DAB1: variants seen among roughly 807,000 people sequenced by gnomAD.
DAB1 encodes the protein disabled homolog 1.
DAB1 carries 15 observed loss-of-function variants against 64.6 expected under a neutral mutation model. That is an observed-to-expected ratio of 0.23 (90% CI 0.16 to 0.36). The LOEUF (loss-of-function observed/expected upper bound fraction) is 0.36, where lower values mean the gene tolerates loss of function less well. Ranked by LOEUF, DAB1 falls within the 10% of genes least tolerant of loss-of-function variation. The pLI, the probability that DAB1 is intolerant of heterozygous loss-of-function variation, is 1.00. For missense variants in DAB1, 596 were observed against 706.7 expected (o/e 0.84, Z 1.78); for synonymous variants, 235 against 251.9 (o/e 0.93, Z 0.64).
chr1:58,216,350 G>C (rs1044356818), intron 4 of DAB1, among the ~76,000 whole-genome samples: 1 of 152,168 alleles, frequency 6.6e-6, no homozygotes, highest in Non-Finnish European at 1.5e-5. Flanking sequence ...CCTTGCAAAG[G>C]ACTTGAACTC....
At chr1:58,211,771 C>T (rs1453755346) in intron 4 of DAB1, among the ~76,000 whole-genome samples, 1 of 152,170 alleles carries the variant, frequency 6.6e-6, no homozygotes, top group Non-Finnish European at 1.5e-5. Context: ...GATGAAATCA[C>T]TTTCCTGTGG....
In DAB1 at chr1:57,779,794, T is replaced by G. The variant is rs115876947; in HGVS notation, n.551+104205A>C. ...AAATCCTTAGTGAGCTGAAAACTGATGCTAAGTCTGAAAACTTTCTACCCA... is the reference window on the plus strand; with the variant it reads ...AAATCCTTAGTGAGCTGAAAACTGAGGCTAAGTCTGAAAACTTTCTACCCA... On this transcript the variant is annotated intron_variant and non_coding_transcript_variant, in intron 6 of 20. Coordinates refer to the DAB1 transcript ENST00000485760. Among the ~76,000 whole-genome samples, 630 of 152,236 alleles carry G rather than the reference T, an allele frequency of 4.1e-3. 6 individuals carry two copies. Among genetic ancestry groups the G allele is most frequent in the African/African-American group, 0.015 (609 of 41,558 alleles).
At chr1:57,596,457 T>C (rs188838664) in intron 7 of DAB1, among the ~76,000 whole-genome samples, 32 of 152,270 alleles carry the variant, frequency 2.1e-4, no homozygotes, top group African/African-American at 7.2e-4. Context: ...TTATTATGTG[T>C]TTAATGGCTG....
chr1:57,739,968 G>T (rs904960197), intron 6 of DAB1, among the ~76,000 whole-genome samples: 4 of 150,384 alleles, frequency 2.7e-5, no homozygotes, highest in African/African-American at 9.8e-5. Flanking sequence ...GCCAAGGCAG[G>T]TGGATCACTT....
intron 9 of DAB1, among the ~76,000 whole-genome samples, chr1:57,029,973 A>T (rs1437330038): frequency 6.6e-6 from 1 of 152,152 alleles, no homozygotes; most frequent in Non-Finnish European, 1.5e-5. Flanking sequence ...TGGTTTTGAA[A>T]TGTGAGGACA....
rs61767411 is a variant in DAB1 at position 57,306,004 on chromosome 1, A to C, written c.-136-14838T>G. Among the ~76,000 whole-genome samples, 1,132 of 152,018 alleles carry C rather than the reference A, an allele frequency of 7.4e-3. 27 individuals carry two copies. The East Asian group carries it at 0.079, about 11-fold the overall frequency. On this transcript the variant is annotated intron_variant, in intron 1 of 14. Coordinates refer to ENST00000371236, the MANE Select transcript of DAB1 (RefSeq NM_001365792.1). Reference sequence around the variant, plus strand: ...AAAAAAAGAAAAAAGAAAAGAAAACAATGACTTTCATGAGAACCTACTAGG... The same window carrying C: ...AAAAAAAGAAAAAAGAAAAGAAAACCATGACTTTCATGAGAACCTACTAGG...
intron 7 of DAB1, among the ~76,000 whole-genome samples, chr1:57,619,116 A>G (rs952600706): frequency 6.6e-6 from 1 of 152,218 alleles, no homozygotes; most frequent in African/African-American, 2.4e-5. Flanking sequence ...CAATGGATTT[A>G]TTTAAACTGC....
intron 7 of DAB1, among the ~76,000 whole-genome samples, chr1:57,574,648 T>C (rs1645229760): frequency 6.6e-6 from 1 of 152,252 alleles, no homozygotes; most frequent in South Asian, 2.1e-4. Context: ...TCAAGGTAGC[T>C]ATAGATTAGG....
chr1:57,064,763 A>T (rs1650738225), intron 8 of DAB1, among the ~76,000 whole-genome samples: 1 of 152,208 alleles, frequency 6.6e-6, no homozygotes, highest in Non-Finnish European at 1.5e-5. Flanking sequence ...TGCAGAAAAC[A>T]GGACTGAGTG....
chr1:57,923,098 C>G (rs1644833505), intron 5 of DAB1, among the ~76,000 whole-genome samples: 1 of 151,502 alleles, frequency 6.6e-6, no homozygotes, highest in African/African-American at 2.4e-5. Context: ...CTAGAATAAC[C>G]CCATGTCAAG....
chr1:57,456,873 AC>A (rs1254096833), intron 7 of DAB1, among the ~76,000 whole-genome samples: 1 of 152,050 alleles, frequency 6.6e-6, no homozygotes, highest in Admixed American at 6.6e-5. Flanking sequence ...CCTAAACTGG[AC>A]CCATTTTTGA....
chr1:57,351,630 T>C (rs965751364), intron 1 of DAB1, among the ~76,000 whole-genome samples: 6 of 151,918 alleles, frequency 3.9e-5, no homozygotes, highest in Admixed American at 6.6e-5. Context: ...GTAATACACA[T>C]AGGGTTGTGT....
intron 2 of DAB1, among the ~76,000 whole-genome samples, chr1:57,209,442 C>T (rs953875893): frequency 6.6e-5 from 10 of 152,154 alleles, no homozygotes; most frequent in Admixed American, 6.5e-5. Flanking sequence ...TAAAAGCTTC[C>T]AGTGAACACT....
chr1:57,728,625 C>T (rs944626785), intron 6 of DAB1, among the ~76,000 whole-genome samples: 1 of 151,980 alleles, frequency 6.6e-6, no homozygotes, highest in Non-Finnish European at 1.5e-5. Context: ...AAAACCACCC[C>T]CTGAGATGTG....
intron 5 of DAB1, among the ~76,000 whole-genome samples, chr1:58,106,128 T>C (rs571100306): frequency 6.6e-6 from 1 of 151,904 alleles, no homozygotes; most frequent in Non-Finnish European, 1.5e-5. Context: ...CTTCCTTCTT[T>C]TCTTTCTCTT....
chr1:57,797,867 T>TA (rs11430324), intron 6 of DAB1, among the ~76,000 whole-genome samples: 123,858 of 152,138 alleles, frequency 0.81, 50,614 homozygotes, highest in African/African-American at 0.87. Flanking sequence ...TAGAAAACTG[T>TA]ACAAGCTATA....
intron 6 of DAB1, among the ~76,000 whole-genome samples, chr1:57,713,674 CAAAGG>C (rs892108209): frequency 1.3e-5 from 2 of 152,080 alleles, no homozygotes; most frequent in African/African-American, 2.4e-5. Context: ...TTGGCAATGG[CAAAGG>C]AAAGTAAAAT....
At chr1:58,452,866 A>C (rs922663985) in intron 3 of DAB1, among the ~76,000 whole-genome samples, 2 of 151,798 alleles carry the variant, frequency 1.3e-5, no homozygotes, top group African/African-American at 4.8e-5. Context: ...AAAAAAAAAC[A>C]AAGCTAAACC....
chr1:57,176,771 G>A (rs923351970), intron 2 of DAB1, among the ~76,000 whole-genome samples: 17 of 151,958 alleles, frequency 1.1e-4, no homozygotes, highest in Admixed American at 4.6e-4. Flanking sequence ...ACCTGGAGAA[G>A]AGAGGAGACC....
Sources: gnomAD v4.1 joint callset for allele counts (sites outside exome capture counted in the v4.1 genomes callset) on GRCh38, gnomAD v4.1.1 for gene constraint, MANE v1.5 for transcripts, NCBI Gene and HGNC (gene_info 2026-07-23, HGNC 2026-07-21) for gene names.